TMLHE: variants seen among roughly 807,000 people sequenced by gnomAD.
TMLHE encodes the protein trimethyllysine dioxygenase, mitochondrial.
TMLHE carries 18 observed loss-of-function variants against 25.7 expected under a neutral mutation model. The observed-to-expected ratio is 0.70, with a 90% CI of 0.48 to 1.04. The LOEUF (loss-of-function observed/expected upper bound fraction) is 1.04. TMLHE is among the 50% of genes least tolerant of loss of function. TMLHE has a pLI of 0.00. For missense variants in TMLHE, 236 were observed against 259.0 expected (o/e 0.91, Z 0.61); for synonymous variants, 105 against 97.0 (o/e 1.08, Z -0.49).
chrX:155,577,596 G>A (rs2067599110), intron 1 of TMLHE, among the ~76,000 whole-genome samples: 1 of 109,108 alleles, frequency 9.2e-6, no homozygotes, highest in Non-Finnish European at 1.9e-5. Context: ...AAAAAAAATA[G>A]AAAAATGTAA....
intron 1 of TMLHE, among the ~76,000 whole-genome samples, chrX:155,548,581 A>G: frequency 8.2e-5 from 9 of 109,447 alleles, no homozygotes; most frequent in Non-Finnish European, 1.7e-4. Context: ...TAAAAAATAC[A>G]AAAATTAGCC....
chrX:155,531,295 G>A (rs1416333331), intron 2 of TMLHE, among the ~76,000 whole-genome samples: 1 of 111,926 alleles, frequency 8.9e-6, no homozygotes, highest in Non-Finnish European at 1.9e-5. Flanking sequence ...TTTGGCTCAT[G>A]GTTCTGCAGG....
At chrX:155,549,570 C>A (rs1434464011) in intron 1 of TMLHE, among the ~76,000 whole-genome samples, 2 of 109,973 alleles carry the variant, frequency 1.8e-5, no homozygotes, top group Non-Finnish European at 3.8e-5. Flanking sequence ...CTGGAATAAA[C>A]CCCATTTGAT....
chrX:155,540,319 G>A (rs5940473), intron 2 of TMLHE, among the ~76,000 whole-genome samples: 1 of 110,860 alleles, frequency 9.0e-6, no homozygotes, highest in East Asian at 2.8e-4. Flanking sequence ...ACATATAAGG[G>A]AGCTTCTATT....
At chrX:155,547,716 T>TAA (rs200315899) in intron 1 of TMLHE, among the ~76,000 whole-genome samples, 4 of 101,203 alleles carry the variant, frequency 4.0e-5, no homozygotes, top group South Asian at 4.4e-4. Context: ...AAACTGATTG[T>TAA]AAAAAAAAAA....
At chrX:155,600,166 T>G (rs2067747725) in intron 1 of TMLHE, among the ~76,000 whole-genome samples, 1 of 111,716 alleles carries the variant, frequency 9.0e-6, no homozygotes, top group South Asian at 3.7e-4. Flanking sequence ...GTTCAGAAAT[T>G]TATCCAAAAT....
intron 3 of TMLHE, among the ~76,000 whole-genome samples, chrX:155,514,616 C>A (rs1312194805): frequency 9.1e-6 from 1 of 110,423 alleles, no homozygotes; most frequent in Non-Finnish European, 1.9e-5. Flanking sequence ...TCCCCTTGCC[C>A]CCATCCCTGT....
intron 1 of TMLHE, among the ~76,000 whole-genome samples, chrX:155,579,506 C>T (rs1054354140): frequency 1.8e-5 from 2 of 111,937 alleles, no homozygotes; most frequent in African/African-American, 3.2e-5. Flanking sequence ...GGGGAAAAGA[C>T]ACCCTTTATT....
intron 3 of TMLHE, among the ~76,000 whole-genome samples, chrX:155,514,590 CCTA>C (rs1203751147): frequency 9.1e-6 from 1 of 110,491 alleles, no homozygotes; most frequent in East Asian, 2.9e-4. Flanking sequence ...CTTTTACAAG[CCTA>C]CTTGGCACTC....
At position 155,507,069 on chromosome X, in the gene TMLHE, A is replaced by G; in HGVS notation, c.824T>C (p.Phe275Ser). The G allele has an allele frequency of 8.3e-7, 1 of 1,210,324 alleles. No homozygotes were observed. Among genetic ancestry groups the G allele is most frequent in the Non-Finnish European group, 1.1e-6 (1 of 894,481 alleles). Reference protein sequence around the residue: ...TGGRTLLVDGFYAAEQVLQKA... With the variant: ...TGGRTLLVDGSYAAEQVLQKA... The stretch of plus-strand genomic sequence containing the variant: ...TTGAAGTACCTGTTCTGCTGCATAG[A>G]ATCCATCTACTAGCAGTGTCCTGCC... Residue 275 changes from phenylalanine (F) to serine (S), a missense_variant, in exon 6 of 8, where the codon TTC (phenylalanine) becomes TCC (serine). Coordinates refer to ENST00000334398, the MANE Select transcript of TMLHE (RefSeq NM_018196.4).
chrX:155,507,176 G>A (rs782088082), intron 5 of TMLHE, 42 bp from the exon 6 acceptor site: 1 of 877,085 alleles, frequency 1.1e-6, no homozygotes, highest in African/African-American at 2.0e-5. Context: ...GTGGAAGAGA[G>A]AACATATCAA....
intron 1 of TMLHE, among the ~76,000 whole-genome samples, chrX:155,559,807 A>G (rs934733004): frequency 2.9e-4 from 33 of 112,277 alleles, no homozygotes; most frequent in African/African-American, 1.0e-3. Flanking sequence ...GCCATAGACT[A>G]GATGGTTTCC....
At chrX:155,544,231 C>G (rs1162605653) in intron 2 of TMLHE, among the ~76,000 whole-genome samples, 3 of 111,827 alleles carry the variant, frequency 2.7e-5, no homozygotes, top group African/African-American at 9.8e-5. Context: ...TGTTGAAGTC[C>G]TAATCCCTGG....
chrX:155,582,233 C>T (rs1253631748), intron 1 of TMLHE, among the ~76,000 whole-genome samples: 1 of 111,865 alleles, frequency 8.9e-6, no homozygotes, highest in African/African-American at 3.3e-5. Flanking sequence ...AGAAGAAAAC[C>T]TAGGCAATAC....
chrX:155,551,258 C>T (rs1322316065), intron 1 of TMLHE, among the ~76,000 whole-genome samples: 1 of 109,726 alleles, frequency 9.1e-6, no homozygotes, highest in African/African-American at 3.4e-5. Flanking sequence ...ATGTGCACAA[C>T]ATGCAGGTTT....
At chrX:155,559,516 G>A (rs1322272993) in intron 1 of TMLHE, among the ~76,000 whole-genome samples, 3 of 111,395 alleles carry the variant, frequency 2.7e-5, no homozygotes, top group African/African-American at 9.8e-5. Flanking sequence ...AGAGTCTAAA[G>A]CCATCGTAAT....
In TMLHE at chrX:155,548,734, C is replaced by CAA. The variant is rs782184670; in HGVS notation, c.-1-3459_-1-3458dup. 4.8e-4 allele frequency among the ~76,000 whole-genome samples: 38 copies of CAA among 78,381 alleles called. 2 individuals are homozygous for CAA. The highest frequency in any genetic ancestry group is 1.4e-3 in the African/African-American group (30 of 21,930). The allele number at this position is 78,381 out of a possible 115,157, so 68.1% of individuals were successfully genotyped here. ...TGGGCGACAGAGTGAGACTCTGTCTCAAAAAAAAAAAAGACATCCTACAAG... is the reference window on the plus strand; with the variant it reads ...TGGGCGACAGAGTGAGACTCTGTCTCAAAAAAAAAAAAAAGACATCCTACAAG... On this transcript the variant is annotated intron_variant, in intron 1 of 7. Coordinates refer to ENST00000334398, the MANE Select transcript of TMLHE (RefSeq NM_018196.4).
At chrX:155,560,062 T>TGC (rs2067484465) in intron 1 of TMLHE, among the ~76,000 whole-genome samples, 2 of 112,251 alleles carry the variant, frequency 1.8e-5, no homozygotes, top group African/African-American at 6.5e-5. Flanking sequence ...CTTTAATTAT[T>TGC]TTTCTTACCT....
chrX:155,523,680 T>G (rs1462294985), intron 3 of TMLHE, among the ~76,000 whole-genome samples: 2 of 111,641 alleles, frequency 1.8e-5, no homozygotes, highest in Non-Finnish European at 3.8e-5. Flanking sequence ...TTGTTTATAA[T>G]TATAAAAAAA....
Sources: allele counts gnomAD v4.1 joint callset (sites outside exome capture counted in the v4.1 genomes callset), GRCh38; gene constraint gnomAD v4.1.1; transcripts MANE v1.5; gene names NCBI Gene and HGNC (gene_info 2026-07-23, HGNC 2026-07-21).